PLAC8L1: variants seen among roughly 807,000 people sequenced by gnomAD.
The protein encoded by PLAC8L1 is PLAC8-like protein 1.
PLAC8L1 carries 13 observed loss-of-function variants against 16.3 expected under a neutral mutation model. That is an observed-to-expected ratio of 0.80 (90% CI 0.52 to 1.27). PLAC8L1 has a LOEUF of 1.27. Ranked by LOEUF, PLAC8L1 falls within the 50% of genes most tolerant of loss-of-function variation. PLAC8L1 has a pLI of 0.00. For missense variants in PLAC8L1, 184 were observed against 220.2 expected (o/e 0.84, Z 1.04); for synonymous variants, 78 against 79.3 (o/e 0.98, Z 0.09).
In PLAC8L1 at chr5:146,104,447, T is replaced by C. The variant is rs963629289; in HGVS notation, c.-136A>G. 10 of 738,420 alleles carry C rather than the reference T, an allele frequency of 1.4e-5. No homozygotes were observed. The South Asian group carries it at 1.4e-4, about 10-fold the overall frequency. 45.7% of individuals were successfully genotyped at this position (738,420 alleles called of 1,614,324 possible). A position where few individuals can be genotyped will look rare whatever the true frequency, so the allele number is the denominator to read the frequency against. Reference sequence around the variant, plus strand: ...CTTAATATTCTGGAACCTGAGGTCATAGCAGTGTAACTAACAGACATCTTT... The same window carrying C: ...CTTAATATTCTGGAACCTGAGGTCACAGCAGTGTAACTAACAGACATCTTT... On this transcript the variant is annotated 5_prime_UTR_variant, in exon 1 of 4. An upstream start codon of the reference 5' UTR is lost. Coordinates refer to ENST00000311450, the MANE Select transcript of PLAC8L1 (RefSeq NM_001029869.3).
At chr5:146,092,354 A>C (rs916802035) in intron 2 of PLAC8L1, among the ~76,000 whole-genome samples, 1 of 152,154 alleles carries the variant, frequency 6.6e-6, no homozygotes, top group African/African-American at 2.4e-5. Flanking sequence ...TTTGACCAGC[A>C]GGTTTACTCT....
rs537702815 is a variant in PLAC8L1 at position 146,103,630 on chromosome 5, T to G, written c.119+563A>C. 1.1e-5 allele frequency: 11 copies of G among 980,998 alleles called. No individual in the cohort carries two copies. The South Asian group carries it at 4.2e-4, about 38-fold the overall frequency. 60.8% of individuals were successfully genotyped at this position (980,998 alleles called of 1,614,324 possible). The stretch of plus-strand genomic sequence containing the variant: ...AACCCTCAGAAGGTGAGGGAGGCTT[T>G]AACTCAGGAGGCAGGAGGCTAACTC... On this transcript the variant is annotated intron_variant, in intron 1 of 3. Coordinates refer to ENST00000311450, the MANE Select transcript of PLAC8L1 (RefSeq NM_001029869.3).
intron 2 of PLAC8L1, among the ~76,000 whole-genome samples, chr5:146,097,773 T>C (rs929545067): frequency 6.6e-6 from 1 of 152,194 alleles, no homozygotes; most frequent in Admixed American, 6.5e-5. Context: ...TTCCTTAAAC[T>C]CCTAAAAATG....
chr5:146,086,430 C>A (rs1763519573), intron 2 of PLAC8L1, among the ~76,000 whole-genome samples: 1 of 152,160 alleles, frequency 6.6e-6, no homozygotes, highest in South Asian at 2.1e-4. Flanking sequence ...TGTCTTGGAG[C>A]CACTGACATC....
chr5:146,084,640 A>G, intron 3 of PLAC8L1, 68 bp from the exon 4 acceptor site: 1 of 1,582,354 alleles, frequency 6.3e-7, no homozygotes, highest in East Asian at 2.2e-5. Context: ...AGGGTCCTGT[A>G]CAATGTTACC....
Position 146,084,422 on chromosome 5 carries a change from T to C in PLAC8L1, c.*10A>G, listed in dbSNP as rs1763470789. 1.2e-6 allele frequency: 2 copies of C among 1,613,296 alleles called. No individual in the cohort carries two copies. The highest frequency in any genetic ancestry group is 1.7e-5 in the Admixed American group (1 of 59,962). ...GTGTTGGGGAGTAAGGAGGAGGAGT[T>C]ATCTTGCTGTCAAACCAGGGTGTCC... On this transcript the variant is annotated 3_prime_UTR_variant, in exon 4 of 4. Transcript: ENST00000311450.
intron 2 of PLAC8L1, among the ~76,000 whole-genome samples, chr5:146,088,523 T>C (rs1008627200): frequency 2.6e-5 from 4 of 152,130 alleles, no homozygotes; most frequent in African/African-American, 9.7e-5. Context: ...GAATTCTGTA[T>C]CTTAGACTCT....
Position 146,105,397 on chromosome 5 carries a change from C to G in PLAC8L1, c.-1086G>C, listed in dbSNP as rs1440697827. Among the ~76,000 whole-genome samples, 4 of 152,028 alleles carry G rather than the reference C, an allele frequency of 2.6e-5. No homozygotes were observed. The highest frequency in any genetic ancestry group is 5.9e-5 in the Non-Finnish European group (4 of 68,014). On this transcript the variant is annotated 5_prime_UTR_variant, in exon 1 of 4. Coordinates refer to ENST00000311450, the MANE Select transcript of PLAC8L1 (RefSeq NM_001029869.3). ...TGGGCAACTGTCATTGTCTTCTTAA[C>G]AGTAAGGATGTACCCTACATTAAGG...
chr5:146,097,616 T>C lies in PLAC8L1; in HGVS notation c.256+540A>G, dbSNP rs374824652. On this transcript the variant is annotated intron_variant, in intron 2 of 3. Coordinates refer to ENST00000311450, the MANE Select transcript of PLAC8L1 (RefSeq NM_001029869.3). ...AATCATCTTTTCATCTCATTAAATATTATTCTACAATATGACTTTTCGTGG... is the reference window on the plus strand; with the variant it reads ...AATCATCTTTTCATCTCATTAAATACTATTCTACAATATGACTTTTCGTGG... Among the ~76,000 whole-genome samples, 9 of 152,372 alleles carry C rather than the reference T, an allele frequency of 5.9e-5. No homozygotes were observed. The East Asian group carries it at 1.7e-3, about 29-fold the overall frequency.
chr5:146,087,660 G>C (rs1407454310), intron 2 of PLAC8L1, among the ~76,000 whole-genome samples: 2 of 152,150 alleles, frequency 1.3e-5, no homozygotes, highest in Non-Finnish European at 2.9e-5. Flanking sequence ...CTGAGTAGTT[G>C]AGACTACAGG....
intron 1 of PLAC8L1, among the ~76,000 whole-genome samples, chr5:146,102,950 G>A (rs1425793515): frequency 6.6e-6 from 1 of 152,156 alleles, no homozygotes; most frequent in Non-Finnish European, 1.5e-5. Context: ...AGGATCCTGT[G>A]TATGCTCTAG....
intron 2 of PLAC8L1, 59 bp downstream of exon 2, chr5:146,098,097 A>T: frequency 6.5e-7 from 1 of 1,545,760 alleles, no homozygotes; most frequent in East Asian, 2.3e-5. Flanking sequence ...TTTTCCACTC[A>T]CTGATGTCCT....
At chr5:146,087,874 A>C (rs1763542595) in intron 2 of PLAC8L1, among the ~76,000 whole-genome samples, 1 of 152,216 alleles carries the variant, frequency 6.6e-6, no homozygotes, top group Admixed American at 6.5e-5. Context: ...GGCTTGTCTT[A>C]CATGGCCAGG....
At chr5:146,104,118 C>T in intron 1 of PLAC8L1, 75 bp downstream of exon 1, 1 of 1,545,572 alleles carries the variant, frequency 6.5e-7, no homozygotes, top group Non-Finnish European at 8.7e-7. Flanking sequence ...TTCCCTGGTT[C>T]CTTATAAGTA....
intron 1 of PLAC8L1, among the ~76,000 whole-genome samples, chr5:146,102,085 T>C (rs1763830216): frequency 6.9e-6 from 1 of 145,706 alleles, no homozygotes; most frequent in Non-Finnish European, 1.5e-5. Flanking sequence ...AAACAGGGTC[T>C]TGCTCTGTCA....
intron 1 of PLAC8L1, among the ~76,000 whole-genome samples, chr5:146,101,294 A>G (rs986440606): frequency 1.3e-5 from 2 of 152,102 alleles, no homozygotes; most frequent in African/African-American, 4.8e-5. Context: ...GCACACTGCA[A>G]ACCAGGAAGA....
chr5:146,098,991 T>G (rs967522696), intron 1 of PLAC8L1, among the ~76,000 whole-genome samples: 1 of 152,230 alleles, frequency 6.6e-6, no homozygotes, highest in Non-Finnish European at 1.5e-5. Context: ...GGGATGAATA[T>G]TCCTATCATC....
Position 146,104,464 on chromosome 5 carries a change from G to T in PLAC8L1, c.-153C>A. 1 of 651,176 alleles carries T rather than the reference G, an allele frequency of 1.5e-6. No individual in the cohort carries two copies. Among genetic ancestry groups the T allele is most frequent in the Non-Finnish European group, 2.7e-6 (1 of 364,814 alleles). 40.3% of individuals were successfully genotyped at this position (651,176 alleles called of 1,614,324 possible). On this transcript the variant is annotated 5_prime_UTR_variant, in exon 1 of 4. The change creates a new upstream start codon in the 5' untranslated region. Coordinates refer to ENST00000311450, the MANE Select transcript of PLAC8L1 (RefSeq NM_001029869.3). ...TGAGGTCATAGCAGTGTAACTAACA[G>T]ACATCTTTTTTCTTTAAAAACAGGT...
At chr5:146,085,786 A>G (rs1462802229) in intron 2 of PLAC8L1, among the ~76,000 whole-genome samples, 189 bp from the exon 3 acceptor site, 5 of 152,204 alleles carry the variant, frequency 3.3e-5, no homozygotes, top group Non-Finnish European at 7.3e-5. Flanking sequence ...CCACATCAAA[A>G]TTGCCTTCTT....
Sources: gnomAD v4.1 joint callset for allele counts (sites outside exome capture counted in the v4.1 genomes callset) on GRCh38, gnomAD v4.1.1 for gene constraint, MANE v1.5 for transcripts, NCBI Gene and HGNC (gene_info 2026-07-23, HGNC 2026-07-21) for gene names.